ATG7: variants seen among roughly 807,000 people sequenced by gnomAD.
ATG7 encodes the protein autophagy related 7.
A neutral mutation model predicts 82.4 loss-of-function variants in ATG7; 70 were observed. That is an observed-to-expected ratio of 0.85 (90% CI 0.70 to 1.04). The LOEUF is 1.04. Among genes scored for constraint, ATG7 ranks in the 50% least tolerant of loss-of-function variants. The pLI is 0.00. For missense variants in ATG7, 792 were observed against 864.3 expected (o/e 0.92, Z 1.05); for synonymous variants, 287 against 313.0 (o/e 0.92, Z 0.88).
chr3:11,488,928 AG>A (rs1414233309), intron 20 of ATG7, among the ~76,000 whole-genome samples: 2 of 152,188 alleles, frequency 1.3e-5, no homozygotes, highest in Non-Finnish European at 2.9e-5. Flanking sequence ...AAAATGAATT[AG>A]GGAGGATTCC....
In ATG7 at chr3:11,443,762, A is replaced by G. The variant is rs1431741344; in HGVS notation, c.2079+16836A>G. Among the ~76,000 whole-genome samples, 3 of 152,284 alleles carry G rather than the reference A, an allele frequency of 2.0e-5. No individual in the cohort carries two copies. In the South Asian group the frequency reaches 6.2e-4, roughly 32 times the overall value. On this transcript the variant is annotated intron_variant, in intron 20 of 20. Coordinates refer to ENST00000693202, the MANE Select transcript of ATG7 (RefSeq NM_001349232.2). ...GAATAACTTGAGCTTTAGAAAAGTT[A>G]AAGTGACAAAGATCAAGAAAATTTC...
At chr3:11,573,395 GAAAA>G in the ATG7 span, among the ~76,000 whole-genome samples, 10 of 149,830 alleles carry the variant, frequency 6.7e-5, no homozygotes, top group African/African-American at 2.4e-4. Flanking sequence ...AAGAAAGAAA[GAAAA>G]TGGCCCCATA....
At chr3:11,326,877 T>C (rs1163052304) in intron 9 of ATG7, among the ~76,000 whole-genome samples, 1 of 152,178 alleles carries the variant, frequency 6.6e-6, no homozygotes, top group Non-Finnish European at 1.5e-5. Flanking sequence ...AAATCTTACT[T>C]TCACATTCTC....
chr3:11,544,162 G>T (rs1002411535), intron 20 of ATG7, among the ~76,000 whole-genome samples: 1 of 152,234 alleles, frequency 6.6e-6, no homozygotes, highest in East Asian at 1.9e-4. Flanking sequence ...TGGATTCATT[G>T]TGAGAGTAGG....
At chr3:11,570,260 G>A in the ATG7 span, among the ~76,000 whole-genome samples, 1 of 151,528 alleles carries the variant, frequency 6.6e-6, no homozygotes. Context: ...CCATCACCTC[G>A]CAGCTCCATC....
At chr3:11,454,622 G>A (rs139763166) in intron 20 of ATG7, among the ~76,000 whole-genome samples, 4 of 152,276 alleles carry the variant, frequency 2.6e-5, no homozygotes, top group African/African-American at 9.6e-5. Flanking sequence ...GGGCATATGA[G>A]GCCACATTTC....
At chr3:11,404,758 A>C (rs2080171964) in intron 19 of ATG7, among the ~76,000 whole-genome samples, 1 of 152,150 alleles carries the variant, frequency 6.6e-6, no homozygotes, top group Non-Finnish European at 1.5e-5. Flanking sequence ...AAGCAAAGGC[A>C]CATCTTATGT....
intron 11 of ATG7, among the ~76,000 whole-genome samples, chr3:11,337,307 G>C (rs1952675231): frequency 1.3e-5 from 2 of 152,062 alleles, no homozygotes; most frequent in African/African-American, 4.8e-5. Flanking sequence ...ACAAAAATTA[G>C]CTGGGCATGG....
chr3:11,435,075 G>A (rs1015420715), intron 20 of ATG7, among the ~76,000 whole-genome samples: 1 of 152,042 alleles, frequency 6.6e-6, no homozygotes, highest in African/African-American at 2.4e-5. Flanking sequence ...AATATACCAT[G>A]TATAACCAAA....
chr3:11,307,930 C>T (rs563586823), intron 6 of ATG7, among the ~76,000 whole-genome samples: 2 of 152,312 alleles, frequency 1.3e-5, no homozygotes, highest in East Asian at 3.9e-4. Flanking sequence ...GGCTTGACTG[C>T]TCCTGGGCCT....
At chr3:11,500,118 T>C (rs536995078) in intron 20 of ATG7, among the ~76,000 whole-genome samples, 1 of 152,200 alleles carries the variant, frequency 6.6e-6, no homozygotes, top group South Asian at 2.1e-4. Context: ...ACCTTTTAAT[T>C]CCCTTCCAGG....
chr3:11,351,925 A>G (rs1008601645), intron 14 of ATG7, among the ~76,000 whole-genome samples: 1 of 151,428 alleles, frequency 6.6e-6, no homozygotes, highest in South Asian at 2.1e-4. Context: ...ATATGTATAC[A>G]TGTGCCATGT....
intron 20 of ATG7, among the ~76,000 whole-genome samples, chr3:11,455,660 C>T (rs2085632924): frequency 6.6e-6 from 1 of 152,194 alleles, no homozygotes; most frequent in South Asian, 2.1e-4. Context: ...ATGGATTCTG[C>T]CCAGACCGGG....
At chr3:11,389,905 A>G (rs958133229) in intron 19 of ATG7, among the ~76,000 whole-genome samples, 4 of 152,258 alleles carry the variant, frequency 2.6e-5, no homozygotes, top group Admixed American at 2.6e-4. Context: ...AAATCCATGC[A>G]AAAGCATATT....
intron 9 of ATG7, among the ~76,000 whole-genome samples, chr3:11,320,522 A>G (rs1297300948): frequency 6.6e-6 from 1 of 152,204 alleles, no homozygotes; most frequent in African/African-American, 2.4e-5. Flanking sequence ...TCCTGACCTC[A>G]GGTGATCCAC....
intron 20 of ATG7, among the ~76,000 whole-genome samples, chr3:11,544,544 TGG>T (rs2071109493): frequency 6.6e-6 from 1 of 152,202 alleles, no homozygotes; most frequent in Non-Finnish European, 1.5e-5. Context: ...GTCAGTGGCC[TGG>T]GACCCAGACT....
intron 20 of ATG7, among the ~76,000 whole-genome samples, chr3:11,513,689 C>A (rs1352009285): frequency 1.3e-5 from 2 of 152,238 alleles, no homozygotes; most frequent in Non-Finnish European, 2.9e-5. Flanking sequence ...AAAGGGGCTC[C>A]CACAGTGCAG....
intron 18 of ATG7, among the ~76,000 whole-genome samples, chr3:11,373,139 G>T (rs1294988707): frequency 6.6e-6 from 1 of 150,916 alleles, no homozygotes; most frequent in Non-Finnish European, 1.5e-5. Flanking sequence ...AACAAGAGTT[G>T]AGAGTAAGCT....
intron 7 of ATG7, among the ~76,000 whole-genome samples, chr3:11,312,347 T>C (rs1436941294): frequency 6.6e-6 from 1 of 152,248 alleles, no homozygotes; most frequent in African/African-American, 2.4e-5. Flanking sequence ...ATGAATTTAA[T>C]TAAGGCCCCA....
Sources: gnomAD v4.1 joint callset for allele counts (sites outside exome capture counted in the v4.1 genomes callset) on GRCh38, gnomAD v4.1.1 for gene constraint, MANE v1.5 for transcripts, NCBI Gene and HGNC (gene_info 2026-07-23, HGNC 2026-07-21) for gene names.